The following ABCA3 variants were observed in gnomAD, a reference collection of about 807,000 sequenced individuals.
ABCA3 encodes phospholipid-transporting ATPase ABCA3.
Under a neutral mutation model 172.8 loss-of-function variants are expected in ABCA3, and 88 were observed. The observed-to-expected ratio is 0.51, with a 90% CI of 0.43 to 0.61. The LOEUF is 0.61. ABCA3 is among the 20% of genes least tolerant of loss of function. The probability of loss-of-function intolerance (pLI) is 0.00; values close to 1 mark genes in which losing one functional copy is unlikely to be tolerated. For synonymous variants in ABCA3, 1,066 were observed against 983.8 expected (o/e 1.08, Z -1.56); for missense variants, 2,164 against 2,301.0 (o/e 0.94, Z 1.22).
At chr16:2,327,555 G>A (rs1318347702) in intron 3 of ABCA3, among the ~76,000 whole-genome samples, 5 of 152,168 alleles carry the variant, frequency 3.3e-5, no homozygotes, top group Non-Finnish European at 5.9e-5. Flanking sequence ...TTGGAATTCT[G>A]GCCCCCATTG....
intron 10 of ABCA3, among the ~76,000 whole-genome samples, chr16:2,311,918 A>G (rs2093707351): frequency 6.6e-6 from 1 of 152,158 alleles, no homozygotes. Flanking sequence ...CAGTCTCCCA[A>G]AATGCTGGGA....
In ABCA3 at chr16:2,287,041, C is replaced by A; in HGVS notation, c.3005-74G>T. 6.5e-7 allele frequency: 1 copy of A among 1,530,204 alleles called. No homozygotes were observed. The highest frequency in any genetic ancestry group is 1.9e-5 in the Admixed American group (1 of 52,320). 94.8% of individuals were successfully genotyped at this position (1,530,204 alleles called of 1,614,324 possible). A position where few individuals can be genotyped will look rare whatever the true frequency, so the allele number is the denominator to read the frequency against. ...GGCACCCCCTGCCACCTGAGCATGG[C>A]TAATCAGGGACCCAATAGAGTGGTG... On this transcript the variant is annotated intron_variant, in intron 21 of 32. Coordinates refer to ENST00000301732, the MANE Select transcript of ABCA3 (RefSeq NM_001089.3). This position sits in a 1 kb window ranked among gnomAD's most constrained non-coding sequence, Gnocchi z 4.1.
At chr16:2,338,644 T>C (rs1209813133) in intron 1 of ABCA3, among the ~76,000 whole-genome samples, 6 of 152,150 alleles carry the variant, frequency 3.9e-5, no homozygotes, top group Non-Finnish European at 7.4e-5. Context: ...GGATGTGTCA[T>C]GTGGTACTCA....
In ABCA3 at chr16:2,276,334, G is replaced by C; in HGVS notation, c.*340C>G. 1 of 489,204 alleles carries C rather than the reference G, an allele frequency of 2.0e-6. No homozygotes were observed. Among genetic ancestry groups the C allele is most frequent in the Non-Finnish European group, 4.0e-6 (1 of 248,860 alleles). The allele number at this position is 489,204 out of a possible 1,614,324, so 30.3% of individuals were successfully genotyped here. On this transcript the variant is annotated 3_prime_UTR_variant, in exon 33 of 33. Coordinates refer to ENST00000301732, the MANE Select transcript of ABCA3 (RefSeq NM_001089.3). ...ACAAGTCACTGGGTCCTCTCTCCAG[G>C]GAGTGCCTGGAGAAATTCAACCCCC...
Position 2,281,499 on chromosome 16 carries a change from T to A in ABCA3, c.4046A>T (p.Tyr1349Phe). 3 of 1,612,868 alleles carry A rather than the reference T, an allele frequency of 1.9e-6. No homozygotes were observed. Among genetic ancestry groups the A allele is most frequent in the Non-Finnish European group, 2.5e-6 (3 of 1,179,960 alleles). ...LRRRRTLTEL[Y>F]TRMPVLPEDQ... Reference sequence around the variant, plus strand: ...CTCAGGAAGCACAGGCATCCGGGTGTATAATTCTGTCTGATTGACCAGGAC... The same window carrying A: ...CTCAGGAAGCACAGGCATCCGGGTGAATAATTCTGTCTGATTGACCAGGAC... Residue 1349 changes from tyrosine to phenylalanine, a missense_variant, in exon 27 of 33, where the codon TAC becomes TTC. Tyr to Phe is a conservative substitution (Grantham distance 22). This residue lies in a region of ABCA3 where 795 missense variants were observed against 881.9 expected (regional missense o/e 0.90). Coordinates refer to ENST00000301732, the MANE Select transcript of ABCA3 (RefSeq NM_001089.3). This position sits in a 1 kb window ranked among gnomAD's most constrained non-coding sequence, Gnocchi z 4.7.
At chr16:2,290,328 C>T (rs1294664979) in intron 19 of ABCA3, among the ~76,000 whole-genome samples, 1 of 152,198 alleles carries the variant, frequency 6.6e-6, no homozygotes, top group Non-Finnish European at 1.5e-5. Context: ...CCGGTGGGCG[C>T]TTACCAGCCT....
intron 1 of ABCA3, among the ~76,000 whole-genome samples, chr16:2,334,081 C>A (rs893223124): frequency 2.0e-5 from 3 of 152,102 alleles, no homozygotes; most frequent in Non-Finnish European, 2.9e-5. Flanking sequence ...TAAAGTATGG[C>A]AAGATTCAGG....
chr16:2,333,217 G>C (rs2093746246), intron 1 of ABCA3, among the ~76,000 whole-genome samples: 1 of 152,182 alleles, frequency 6.6e-6, no homozygotes, highest in African/African-American at 2.4e-5. Context: ...GCCAGAGTGA[G>C]GGGCACAAGA....
Position 2,285,709 on chromosome 16 carries a change from G to T in ABCA3, c.3279-63C>A. On this transcript the variant is annotated intron_variant, in intron 22 of 32. Transcript: ENST00000301732. The surrounding 1 kb of genome is among the most constrained non-coding windows in gnomAD (Gnocchi z 4.7). ...ACGTCTGGGTGGCAGGAGAGGTCGGGTTCTCGGTTATGACCGCCCAAGGCA... is the reference window on the plus strand; with the variant it reads ...ACGTCTGGGTGGCAGGAGAGGTCGGTTTCTCGGTTATGACCGCCCAAGGCA... The T allele has an allele frequency of 6.6e-7, 1 of 1,521,694 alleles. No individual in the cohort carries two copies. The highest frequency in any genetic ancestry group is 8.9e-7 in the Non-Finnish European group (1 of 1,123,156). 94.3% of individuals were successfully genotyped at this position (1,521,694 alleles called of 1,614,324 possible). A position where few individuals can be genotyped will look rare whatever the true frequency, so the allele number is the denominator to read the frequency against.
rs1465631960 is a variant in ABCA3 at position 2,288,318 on chromosome 16, G to C, written c.2712C>G (p.His904Gln). The stretch of plus-strand genomic sequence containing the variant: ...GGAACATGGCCCAGAATTGCTGGCA[G>C]TGCAGGGCGAGCTGCGGCAGAGGGG... Reference protein sequence around the residue: ...AVKLNTGLALHCQQFWAMFLK... With the variant: ...AVKLNTGLALQCQQFWAMFLK... Residue 904 changes from histidine (H) to glutamine (Q), a missense_variant, in exon 21 of 33, where the codon CAC becomes CAG. By Grantham distance (24) the His-to-Gln change is conservative. Transcript: ENST00000301732. 6 of 1,557,754 alleles carry C rather than the reference G, an allele frequency of 3.9e-6. No homozygotes were observed. The highest frequency in any genetic ancestry group is 5.2e-6 in the Non-Finnish European group (6 of 1,155,168).
chr16:2,284,106 A>G lies in ABCA3; in HGVS notation c.3862+173T>C, dbSNP rs534203432. 56 of 733,254 alleles carry G rather than the reference A, an allele frequency of 7.6e-5. No homozygotes were observed. The East Asian group carries it at 1.2e-3, about 16-fold the overall frequency. 45.4% of individuals were successfully genotyped at this position (733,254 alleles called of 1,614,324 possible). ...TGGGAGCTCAGGTACAGGGCCTGGG[A>G]GCGAGCGGGCGCGAGGGGGCTGCTG... On this transcript the variant is annotated intron_variant, in intron 25 of 32. Transcript: ENST00000301732. This position sits in a 1 kb window ranked among gnomAD's most constrained non-coding sequence, Gnocchi z 5.9.
intron 18 of ABCA3, among the ~76,000 whole-genome samples, chr16:2,292,459 G>A (rs545860662): frequency 1.6e-4 from 24 of 152,052 alleles, no homozygotes; most frequent in African/African-American, 4.8e-4. Flanking sequence ...AATTAGCCAC[G>A]TGTGGTAGCA....
chr16:2,292,937 A>G (rs1293626845), intron 18 of ABCA3, among the ~76,000 whole-genome samples: 1 of 152,226 alleles, frequency 6.6e-6, no homozygotes, highest in Non-Finnish European at 1.5e-5. Flanking sequence ...CCCGGGCAAC[A>G]GAGCAAGACT....
chr16:2,334,515 AT>A (rs35067281), intron 1 of ABCA3, among the ~76,000 whole-genome samples: 14,154 of 140,452 alleles, frequency 0.1, 2,062 homozygotes, highest in African/African-American at 0.34. Context: ...AACACCAGTA[AT>A]TTTTTTTTTT....
chr16:2,278,308 G>A lies in ABCA3; in HGVS notation c.4698C>T (p.Ala1566=), dbSNP rs751040357. Residue 1566 remains alanine, a synonymous_variant, in exon 30 of 33, where the codon GCC becomes GCT. Transcript: ENST00000301732. The surrounding 1 kb of genome is among the most constrained non-coding windows in gnomAD (Gnocchi z 4.4). ...TVARARESGK[A]IIITSHSMEE... ...TCTACCTGTGGGAGGTGATGATGATGGCCTTGCCAGACTCTCGGGCTCGTG... is the reference window on the plus strand; with the variant it reads ...TCTACCTGTGGGAGGTGATGATGATAGCCTTGCCAGACTCTCGGGCTCGTG... The A allele has an allele frequency of 2.1e-5, 34 of 1,609,320 alleles. No individual in the cohort carries two copies. Among genetic ancestry groups the A allele is most frequent in the Non-Finnish European group, 2.8e-5 (33 of 1,179,998 alleles).
Position 2,281,286 on chromosome 16 carries a change from C to T in ABCA3, c.4165-65G>A. 6 of 1,613,172 alleles carry T rather than the reference C, an allele frequency of 3.7e-6. No individual in the cohort carries two copies. The highest frequency in any genetic ancestry group is 5.1e-6 in the Non-Finnish European group (6 of 1,179,870). On this transcript the variant is annotated intron_variant, in intron 27 of 32. Coordinates refer to ENST00000301732, the MANE Select transcript of ABCA3 (RefSeq NM_001089.3). This position sits in a 1 kb window ranked among gnomAD's most constrained non-coding sequence, Gnocchi z 4.7. ...GGACGCAAAGCAGAGCAGTCTGAGC[C>T]TCAGCGCCGAAAGCTTCCAGGGATG...
In ABCA3 at chr16:2,298,487, G is replaced by T. The variant is rs779714157; in HGVS notation, c.1795C>A (p.Gln599Lys). 1 of 1,614,068 alleles carries T rather than the reference G, an allele frequency of 6.2e-7. No individual in the cohort carries two copies. Among genetic ancestry groups the T allele is most frequent in the South Asian group, 1.1e-5 (1 of 91,080 alleles). Residue 599 changes from glutamine (Q) to lysine (K), a missense_variant, in exon 15 of 33, where the codon CAG becomes AAG. Physicochemically the swap from Gln to Lys is moderately conservative, Grantham distance 53. Coordinates refer to ENST00000301732, the MANE Select transcript of ABCA3 (RefSeq NM_001089.3). ...RAYISGYEIS[Q>K]DMVQIRKSLG... ...CTCTTCCGGATCTGAACCATGTCCT[G>T]GGAAATTTCATACCCGCTGATGTAT...
intron 20 of ABCA3, chr16:2,289,082 T>C (rs1204764266): frequency 6.8e-6 from 2 of 295,728 alleles, no homozygotes; most frequent in Admixed American, 9.4e-5. Context: ...CTCTGTCACA[T>C]CTGACTTTGG....
chr16:2,302,485 G>T (rs1414913968), intron 12 of ABCA3, among the ~76,000 whole-genome samples: 1 of 151,140 alleles, frequency 6.6e-6, no homozygotes, highest in African/African-American at 2.4e-5. Context: ...TTTACAATAT[G>T]ATTCTTTTTT....
Sources: gnomAD v4.1 joint callset for allele counts (sites outside exome capture counted in the v4.1 genomes callset) on GRCh38, gnomAD v4.1.1 for gene constraint, gnomAD v4.1.1 regional missense constraint, Gnocchi (gnomAD v3.1) non-coding constraint, MANE v1.5 for transcripts, NCBI Gene and HGNC (gene_info 2026-07-23, HGNC 2026-07-21) for gene names.